SHPK: variants seen among roughly 807,000 people sequenced by gnomAD.
SHPK encodes carbohydrate kinase-like protein.
A neutral mutation model predicts 46.3 loss-of-function variants in SHPK; 51 were observed. That is an observed-to-expected ratio of 1.10 (90% confidence interval 0.88 to 1.39). The LOEUF is 1.39. Among genes scored for constraint, SHPK ranks in the 40% most tolerant of loss-of-function variants. SHPK has a pLI of 0.00. For missense variants in SHPK, 668 were observed against 641.3 expected (o/e 1.04, Z -0.45); for synonymous variants, 290 against 273.9 (o/e 1.06, Z -0.58).
At chr17:3,634,998 CCT>C (rs1324040738) in intron 1 of SHPK, among the ~76,000 whole-genome samples, 2 of 151,860 alleles carry the variant, frequency 1.3e-5, no homozygotes, top group African/African-American at 4.8e-5. Context: ...ATGGCGAAAC[CCT>C]GTCTCTACTA....
intron 2 of SHPK, among the ~76,000 whole-genome samples, chr17:3,627,215 T>C (rs1455532391): frequency 3.3e-5 from 5 of 152,208 alleles, no homozygotes; most frequent in Admixed American, 2.6e-4. Flanking sequence ...ATTTTCTCCC[T>C]GTCTGCTGCT....
Position 3,624,142 on chromosome 17 carries a change from T to C in SHPK, c.400A>G (p.Ser134Gly). 2 of 1,614,146 alleles carry C rather than the reference T, an allele frequency of 1.2e-6. No individual in the cohort carries two copies. Among genetic ancestry groups the C allele is most frequent in the Non-Finnish European group, 8.5e-7 (1 of 1,180,000 alleles). Residue 134 changes from serine to glycine, a missense_variant, in exon 3 of 7, where the codon AGC (serine) becomes GGC (glycine). Ser to Gly is a moderately conservative substitution (Grantham distance 56). Transcript: ENST00000225519. ...LVTWQDGRCS[S>G]EFLASLPQPK... ...TGGGGCAGAGAGGCCAGGAATTCGC[T>C]GCTACATCGGCCATCCTGCCACGTG...
intron 2 of SHPK, among the ~76,000 whole-genome samples, chr17:3,626,328 A>G (rs188153443): frequency 2.0e-5 from 3 of 152,110 alleles, no homozygotes; most frequent in African/African-American, 7.2e-5. Flanking sequence ...ATTTTTCTCC[A>G]TTATTTCTTC....
At chr17:3,619,387 T>C in intron 5 of SHPK, 3 of 1,548,522 alleles carry the variant, frequency 1.9e-6, no homozygotes, top group African/African-American at 1.4e-5. Context: ...TGATGATTCA[T>C]CTTCTCTGCT....
At position 3,608,588 on chromosome 17, in the gene SHPK, G is replaced by T. The variant is rs1373720092; in HGVS notation, c.*1972C>A. ...ACACTGCTCAGAACAATGCACAAGGGAAAACTTGGGAACTGTTTGAAGAAT... is the reference window on the plus strand; with the variant it reads ...ACACTGCTCAGAACAATGCACAAGGTAAAACTTGGGAACTGTTTGAAGAAT... On this transcript the variant is annotated 3_prime_UTR_variant, in exon 7 of 7. Coordinates refer to ENST00000225519, the MANE Select transcript of SHPK (RefSeq NM_013276.4). 1 of 152,178 alleles carries T rather than the reference G, an allele frequency of 6.6e-6. No homozygotes were observed. The highest frequency in any genetic ancestry group is 1.5e-5 in the Non-Finnish European group (1 of 68,044). 9.4% of individuals were successfully genotyped at this position (152,178 alleles called of 1,614,324 possible).
intron 4 of SHPK, among the ~76,000 whole-genome samples, chr17:3,621,712 G>A (rs939495771): frequency 6.6e-6 from 1 of 150,524 alleles, no homozygotes; most frequent in Non-Finnish European, 1.5e-5. Flanking sequence ...GAGTGCAGTG[G>A]CACCATCTCA....
rs532024555 is a variant in SHPK at position 3,616,894 on chromosome 17, C to T, written c.824-1357G>A. On this transcript the variant is annotated intron_variant, in intron 5 of 6. Transcript: ENST00000225519. The stretch of plus-strand genomic sequence containing the variant: ...CTGGGATTACAGGCATGCGCCACCA[C>T]GCCCAGCTAATTTTTTGTATTTTTA... Among the ~76,000 whole-genome samples the T allele has an allele frequency of 2.2e-4, 33 of 152,240 alleles. 2 individuals are homozygous for T. Among genetic ancestry groups the T allele is most frequent in the East Asian group, 9.7e-4 (5 of 5,180 alleles).
At chr17:3,619,150 A>G in intron 5 of SHPK, 1 of 328,418 alleles carries the variant, frequency 3.0e-6, no homozygotes, top group Non-Finnish European at 5.7e-6. Context: ...TTCTGCCTCT[A>G]GAGATGATGC....
At chr17:3,614,970 T>C (rs1567681871) in intron 6 of SHPK, among the ~76,000 whole-genome samples, 1 of 152,060 alleles carries the variant, frequency 6.6e-6, no homozygotes, top group East Asian at 1.9e-4. Flanking sequence ...AAGGAGCAAC[T>C]GTCCATGGAG....
chr17:3,614,910 C>T (rs2075363078), intron 6 of SHPK, among the ~76,000 whole-genome samples: 1 of 151,864 alleles, frequency 6.6e-6, no homozygotes, highest in African/African-American at 2.4e-5. Context: ...TATGGCCAGG[C>T]TTCTCAGGAT....
At chr17:3,631,512 CTT>C (rs371958939) in intron 1 of SHPK, among the ~76,000 whole-genome samples, 4 of 53,032 alleles carry the variant, frequency 7.5e-5, no homozygotes, top group East Asian at 7.0e-4. Context: ...TAATTTAATG[CTT>C]TTTTTTTTTT....
chr17:3,617,392 A>T (rs1469549537), intron 5 of SHPK, among the ~76,000 whole-genome samples: 1 of 152,172 alleles, frequency 6.6e-6, no homozygotes, highest in Non-Finnish European at 1.5e-5. Flanking sequence ...GCATTTTTAA[A>T]TCTGGACTGG....
rs1177735737 is a variant in SHPK, at chr17:3,620,316, A to C, written c.823+921T>G. 5.3e-5 allele frequency among the ~76,000 whole-genome samples: 8 copies of C among 151,506 alleles called. 1 individual carries two copies. On this transcript the variant is annotated intron_variant, in intron 5 of 6. Coordinates refer to ENST00000225519, the MANE Select transcript of SHPK (RefSeq NM_013276.4). ...TGCTCTGTCGCCCAGGCCGGAGTGC[A>C]GTGGCACGATCTCGGCTCACTGCAA...
Position 3,632,575 on chromosome 17 carries a change from G to C in SHPK, c.169-2229C>G, listed in dbSNP as rs368731832. ...ACAAGGAGGCAGTGTTCAGCAGTTAGAAACAGTTTTAGGGGCGGGTGTGAT... is the reference window on the plus strand; with the variant it reads ...ACAAGGAGGCAGTGTTCAGCAGTTACAAACAGTTTTAGGGGCGGGTGTGAT... On this transcript the variant is annotated intron_variant, in intron 1 of 6. Transcript: ENST00000225519. 8.0e-4 allele frequency among the ~76,000 whole-genome samples: 122 copies of C among 152,102 alleles called. 4 individuals are homozygous for C. In the South Asian group the frequency reaches 0.023, roughly 29 times the overall value.
chr17:3,626,577 C>G (rs1023857689), intron 2 of SHPK, among the ~76,000 whole-genome samples: 3 of 151,982 alleles, frequency 2.0e-5, no homozygotes, highest in Non-Finnish European at 4.4e-5. Context: ...AAAAAATTAG[C>G]CGGGCGTGAT....
At chr17:3,620,695 G>T (rs1383309982) in intron 5 of SHPK, among the ~76,000 whole-genome samples, 2 of 151,906 alleles carry the variant, frequency 1.3e-5, no homozygotes, top group Non-Finnish European at 2.9e-5. Flanking sequence ...TGAGTAGCTG[G>T]GATTACAGGC....
rs2075331707 is a variant in SHPK, at chr17:3,610,624, A to T, written c.1373T>A (p.Val458Glu). 1 of 1,613,888 alleles carries T rather than the reference A, an allele frequency of 6.2e-7. No individual in the cohort carries two copies. Among genetic ancestry groups the T allele is most frequent in the Non-Finnish European group, 8.5e-7 (1 of 1,179,962 alleles). The change falls in exon 7 of 7, where the codon GTG (valine) becomes GAG (glutamate). Residue 458 changes from valine to glutamate, a missense_variant. Coordinates refer to ENST00000225519, the MANE Select transcript of SHPK (RefSeq NM_013276.4). ...FPLPMSFGQD[V>E]DAAVGAALVM... ...CAGAGCTGCCCCGACAGCTGCATCC[A>T]CATCCTGCCCAAAGGACATGGGCAA... is the stretch of plus-strand genomic sequence containing the variant.
At chr17:3,633,572 G>T (rs368263104) in intron 1 of SHPK, among the ~76,000 whole-genome samples, 3 of 152,144 alleles carry the variant, frequency 2.0e-5, no homozygotes, top group Admixed American at 2.0e-4. Context: ...TATGTGGTGT[G>T]GGGGGGTTAA....
At chr17:3,619,732 CAA>C (rs878862356) in intron 5 of SHPK, 4,019 of 279,980 alleles carry the variant, frequency 0.014, no homozygotes, top group South Asian at 0.026. Flanking sequence ...GACTCCATCT[CAA>C]AAAAAAAAAA....
Sources: allele counts gnomAD v4.1 joint callset (sites outside exome capture counted in the v4.1 genomes callset), GRCh38; gene constraint gnomAD v4.1.1; transcripts MANE v1.5; gene names NCBI Gene and HGNC (gene_info 2026-07-23, HGNC 2026-07-21).